The following TRIP11 variants were observed in gnomAD, a reference collection of about 807,000 sequenced individuals.
TRIP11 encodes thyroid receptor-interacting protein 11.
Under a neutral mutation model 223.1 loss-of-function variants are expected in TRIP11, and 148 were observed. The observed-to-expected ratio is 0.66, with a 90% CI of 0.58 to 0.76. The LOEUF (loss-of-function observed/expected upper bound fraction) is 0.76. TRIP11 is among the 30% of genes least tolerant of loss of function. The pLI is 0.00. For synonymous variants in TRIP11, 762 were observed against 772.6 expected (o/e 0.99, Z 0.23); for missense variants, 2,043 against 2,222.0 (o/e 0.92, Z 1.62).
intron 9 of TRIP11, among the ~76,000 whole-genome samples, chr14:92,008,375 T>C (rs1423156248): frequency 6.6e-6 from 1 of 152,360 alleles, no homozygotes. Flanking sequence ...TCTTTTCTCT[T>C]ACTAAAGGAA....
At chr14:92,027,241 T>C (rs1227149601) in intron 2 of TRIP11, among the ~76,000 whole-genome samples, 1 of 151,878 alleles carries the variant, frequency 6.6e-6, no homozygotes, top group Non-Finnish European at 1.5e-5. Context: ...GAGTGTTCTT[T>C]GTCCTACTTC....
At chr14:92,021,927 G>T (rs1595403403) in intron 3 of TRIP11, 96 bp from the exon 4 acceptor site, 2 of 1,353,730 alleles carry the variant, frequency 1.5e-6, no homozygotes, top group East Asian at 2.4e-5. Flanking sequence ...ACAATAATTT[G>T]TCTAAGATTA....
Position 92,004,794 on chromosome 14 carries a change from A to G in TRIP11, c.3182T>C (p.Ile1061Thr). The change falls in exon 11 of 21, where the codon ATT becomes ACT. Residue 1061 changes from isoleucine (I) to threonine (T), a missense_variant. By Grantham distance (89) the Ile-to-Thr change is moderately conservative. Coordinates refer to ENST00000267622, the MANE Select transcript of TRIP11 (RefSeq NM_004239.4). The part of the protein sequence containing the change: ...KDEVGKLTQI[I>T]QQKDLEIQAL... The stretch of plus-strand genomic sequence containing the variant: ...TTGTATCTCCAAATCTTTCTGCTGA[A>G]TAATCTGAGTTAGTTTACCAACTTC... 1 of 1,614,170 alleles carries G rather than the reference A, an allele frequency of 6.2e-7. No homozygotes were observed. Among genetic ancestry groups the G allele is most frequent in the Non-Finnish European group, 8.5e-7 (1 of 1,180,020 alleles).
intron 16 of TRIP11, among the ~76,000 whole-genome samples, chr14:91,981,769 T>C (rs1009931206): frequency 2.6e-5 from 4 of 152,216 alleles, no homozygotes; most frequent in Non-Finnish European, 4.4e-5. Context: ...ATGGTAAATG[T>C]TTTGTTGTCC....
Position 91,966,447 on chromosome 14 carries a change from T to G in TRIP11, c.*3226A>C, listed in dbSNP as rs2056343047. 1 of 191,668 alleles carries G rather than the reference T, an allele frequency of 5.2e-6. No individual in the cohort carries two copies. Among genetic ancestry groups the G allele is most frequent in the South Asian group, 1.9e-4 (1 of 5,162 alleles). 11.9% of individuals were successfully genotyped at this position (191,668 alleles called of 1,614,324 possible). On this transcript the variant is annotated 3_prime_UTR_variant, in exon 21 of 21. Transcript: ENST00000267622. ...ATTATCTTTAAATATCAGGTCCAAA[T>G]GCTTTTAAGTTTGATGGATAATAGT...
chr14:92,003,447 A>G lies in TRIP11; in HGVS notation c.4529T>C (p.Phe1510Ser), dbSNP rs749800425. 1 of 1,613,872 alleles carries G rather than the reference A, an allele frequency of 6.2e-7. No homozygotes were observed. The highest frequency in any genetic ancestry group is 8.5e-7 in the Non-Finnish European group (1 of 1,180,014). ...CHSMKEKALA[F>S]EQLLKEKEQG... ...TTCTTTCTCTTTCAATAGCTGTTCA[A>G]AAGCAAGAGCCTTCTCCTTCATTGA... Residue 1510 changes from phenylalanine to serine, a missense_variant, in exon 11 of 21, where the codon TTT becomes TCT. Coordinates refer to ENST00000267622, the MANE Select transcript of TRIP11 (RefSeq NM_004239.4).
chr14:92,026,813 G>C, intron 2 of TRIP11: 1 of 1,353,842 alleles, frequency 7.4e-7, no homozygotes, highest in Admixed American at 1.8e-5. Flanking sequence ...GTCAGCTACC[G>C]GCAAGTGGGC....
At chr14:92,016,633 GA>G (rs1595398194) in intron 5 of TRIP11, among the ~76,000 whole-genome samples, 1 of 150,066 alleles carries the variant, frequency 6.7e-6, no homozygotes, top group Admixed American at 6.6e-5. Context: ...ATGGAAAAAA[GA>G]AAAAAAAAGA....
At position 91,967,656 on chromosome 14, in the gene TRIP11, C is replaced by T. The variant is rs2056354129; in HGVS notation, c.*2017G>A. 1 of 195,804 alleles carries T rather than the reference C, an allele frequency of 5.1e-6. No individual in the cohort carries two copies. The allele number at this position is 195,804 out of a possible 1,614,324, so 12.1% of individuals were successfully genotyped here. The stretch of plus-strand genomic sequence containing the variant: ...ATATGATGACATACTACTTAAATAC[C>T]AACCATGCATCTCTTTTTCAAATTA... On this transcript the variant is annotated 3_prime_UTR_variant, in exon 21 of 21. Coordinates refer to ENST00000267622, the MANE Select transcript of TRIP11 (RefSeq NM_004239.4).
chr14:92,007,509 C>T (rs2056920513), intron 10 of TRIP11, 131 bp downstream of exon 10: 8 of 944,966 alleles, frequency 8.5e-6, no homozygotes, highest in Non-Finnish European at 1.3e-5. Context: ...ATGATATTTA[C>T]TATCTAGCAC....
chr14:91,984,065 T>C (rs2056575262), intron 16 of TRIP11, among the ~76,000 whole-genome samples: 1 of 152,090 alleles, frequency 6.6e-6, no homozygotes, highest in Non-Finnish European at 1.5e-5. Flanking sequence ...TTCTCAACTC[T>C]TAGGAGACTT....
Position 92,012,797 on chromosome 14 carries a change from G to T in TRIP11, c.1187-1002C>A, listed in dbSNP as rs138892321. On this transcript the variant is annotated intron_variant, in intron 7 of 20. Coordinates refer to ENST00000267622, the MANE Select transcript of TRIP11 (RefSeq NM_004239.4). ...AAACTGAAGAGATAGGCAGGAACTA[G>T]ATCATGAGAGACATTATCATGTCTA... 2.2e-3 allele frequency among the ~76,000 whole-genome samples: 338 copies of T among 152,302 alleles called. 1 individual carries two copies. Among genetic ancestry groups the T allele is most frequent in the African/African-American group, 7.4e-3 (306 of 41,568 alleles).
chr14:91,983,005 G>GT (rs2056563361), intron 16 of TRIP11, among the ~76,000 whole-genome samples: 1 of 152,140 alleles, frequency 6.6e-6, no homozygotes, highest in African/African-American at 2.4e-5. Flanking sequence ...ATGACACACA[G>GT]TTTCACAGGA....
At chr14:91,973,275 C>T (rs1288519135) in intron 19 of TRIP11, among the ~76,000 whole-genome samples, 1 of 152,138 alleles carries the variant, frequency 6.6e-6, no homozygotes, top group East Asian at 1.9e-4. Context: ...CCGCCCACCT[C>T]GGCCTCCCAA....
intron 9 of TRIP11, among the ~76,000 whole-genome samples, chr14:92,010,304 G>A (rs967202673): frequency 2.6e-5 from 4 of 152,076 alleles, no homozygotes; most frequent in African/African-American, 9.7e-5. Context: ...GCCGAGGTGG[G>A]CAGATCACCT....
intron 1 of TRIP11, 112 bp downstream of exon 1, chr14:92,039,435 G>A (rs897570112): frequency 2.6e-6 from 3 of 1,157,090 alleles, no homozygotes; most frequent in African/African-American, 1.5e-5. Flanking sequence ...AAAAAGGGAG[G>A]AGCAGCATTC....
At chr14:92,026,919 A>T in intron 2 of TRIP11, 1 of 1,407,806 alleles carries the variant, frequency 7.1e-7, no homozygotes, top group Non-Finnish European at 9.8e-7. Context: ...AACTAAAAAA[A>T]AGGCCGCCGC....
chr14:92,002,668 C>G (rs2056841736), intron 11 of TRIP11, among the ~76,000 whole-genome samples: 1 of 151,814 alleles, frequency 6.6e-6, no homozygotes, highest in Middle Eastern at 3.2e-3. Context: ...CCTCTGCCTC[C>G]TGGGTTCAAA....
At position 92,004,398 on chromosome 14, in the gene TRIP11, C is replaced by T. The variant is rs1595387373; in HGVS notation, c.3578G>A (p.Gly1193Asp). 1 of 1,614,064 alleles carries T rather than the reference C, an allele frequency of 6.2e-7. No individual in the cohort carries two copies. Among genetic ancestry groups the T allele is most frequent in the Non-Finnish European group, 8.5e-7 (1 of 1,180,032 alleles). The change falls in exon 11 of 21, where the codon GGT (glycine) becomes GAT (aspartate). Residue 1193 changes from glycine to aspartate, a missense_variant. Physicochemically the swap from Gly to Asp is moderately conservative, Grantham distance 94. Transcript: ENST00000267622. ...LLAVLQTSST[G>D]NEAGGVNSNQ... ...ACTATTAACACCTCCAGCCTCATTA[C>T]CAGTGCTGGATGTTTGTAAAACTGC...
Sources: allele counts gnomAD v4.1 joint callset (sites outside exome capture counted in the v4.1 genomes callset), GRCh38; gene constraint gnomAD v4.1.1; transcripts MANE v1.5; gene names NCBI Gene and HGNC (gene_info 2026-07-23, HGNC 2026-07-21).